The following NFIA variants were observed in gnomAD, a reference collection of about 807,000 sequenced individuals.
NFIA encodes nuclear factor 1 A-type.
NFIA carries 8 observed loss-of-function variants against 62.8 expected under a neutral mutation model. The ratio of observed to expected loss-of-function variants is 0.13; its 90% CI spans 0.07 to 0.23. The LOEUF (loss-of-function observed/expected upper bound fraction) is 0.23. NFIA is among the 10% of genes least tolerant of loss of function. The probability of loss-of-function intolerance (pLI) is 1.00; values close to 1 mark genes in which losing one functional copy is unlikely to be tolerated. For synonymous variants in NFIA, 235 were observed against 238.1 expected (o/e 0.99, Z 0.12); for missense variants, 410 against 642.1 (o/e 0.64, Z 3.91).
Position 61,259,878 on chromosome 1 carries a change from G to A in NFIA, c.560-17642G>A, listed in dbSNP as rs551438891. On this transcript the variant is annotated intron_variant, in intron 2 of 10. Coordinates refer to ENST00000403491, the MANE Select transcript of NFIA (RefSeq NM_001134673.4). Reference sequence around the variant, plus strand: ...GAGGGTTAATAAAGCCATTGTTGCCGTGCAGTTGAGAAGAGTAGAATGGGT... The same window carrying A: ...GAGGGTTAATAAAGCCATTGTTGCCATGCAGTTGAGAAGAGTAGAATGGGT... Among the ~76,000 whole-genome samples, 19 of 152,310 alleles carry A rather than the reference G, an allele frequency of 1.2e-4. No homozygotes were observed. The South Asian group carries it at 3.1e-3, about 25-fold the overall frequency.
At chr1:61,445,596 G>A (rs950636937) in intron 10 of NFIA, among the ~76,000 whole-genome samples, 1 of 152,208 alleles carries the variant, frequency 6.6e-6, no homozygotes, top group African/African-American at 2.4e-5. Context: ...ATCCTCAGAA[G>A]GAGGAGAAAA....
chr1:61,271,050 A>G (rs894389255), intron 2 of NFIA, among the ~76,000 whole-genome samples: 1 of 152,222 alleles, frequency 6.6e-6, no homozygotes, highest in African/African-American at 2.4e-5. Flanking sequence ...GAAAAAGCTG[A>G]TCATTACTTG....
chr1:61,283,416 C>CA (rs1175163320), intron 3 of NFIA, among the ~76,000 whole-genome samples: 1 of 146,282 alleles, frequency 6.8e-6, no homozygotes, highest in African/African-American at 2.5e-5. Flanking sequence ...ACTAAAAATA[C>CA]CAAAAAAAAA....
chr1:61,265,016 GT>G (rs1488637146), intron 2 of NFIA, among the ~76,000 whole-genome samples: 1 of 152,158 alleles, frequency 6.6e-6, no homozygotes, highest in Admixed American at 6.5e-5. Flanking sequence ...GCGAATTCAC[GT>G]GTTTTAGTTA....
chr1:61,269,204 T>G (rs1203705051), intron 2 of NFIA, among the ~76,000 whole-genome samples: 1 of 151,362 alleles, frequency 6.6e-6, no homozygotes, highest in African/African-American at 2.4e-5. Flanking sequence ...GTTCAACTCT[T>G]CACGTATAGA....
At chr1:61,454,853 C>T (rs2100594004) in intron 10 of NFIA, among the ~76,000 whole-genome samples, 1 of 152,250 alleles carries the variant, frequency 6.6e-6, no homozygotes, top group Non-Finnish European at 1.5e-5. Flanking sequence ...ATCAGAGTAG[C>T]CATTCATTGC....
At chr1:61,347,856 T>C (rs1434868812) in intron 4 of NFIA, among the ~76,000 whole-genome samples, 1 of 152,194 alleles carries the variant, frequency 6.6e-6, no homozygotes, top group African/African-American at 2.4e-5. Flanking sequence ...AAAGCCCAGG[T>C]TTTGAGGTCA....
chr1:61,366,491 T>G (rs1032701934), intron 6 of NFIA, among the ~76,000 whole-genome samples: 2 of 152,212 alleles, frequency 1.3e-5, no homozygotes, highest in Non-Finnish European at 2.9e-5. Flanking sequence ...ACCAACATGT[T>G]GAAAGTTTCA....
At chr1:61,194,516 C>T in intron 2 of NFIA, among the ~76,000 whole-genome samples, 1 of 152,034 alleles carries the variant, frequency 6.6e-6, no homozygotes, top group Non-Finnish European at 1.5e-5. Flanking sequence ...GTTAACTGTC[C>T]CTATATTTTA....
At chr1:61,106,262 A>G (rs964492168) in intron 2 of NFIA, among the ~76,000 whole-genome samples, 1 of 151,840 alleles carries the variant, frequency 6.6e-6, no homozygotes, top group African/African-American at 2.4e-5. Context: ...GCCCCTTCTC[A>G]AGAATGGAAG....
chr1:61,332,570 A>G lies in NFIA; in HGVS notation c.684A>G (p.Leu228=). 6.2e-7 allele frequency: 1 copy of G among 1,613,934 alleles called. No homozygotes were observed. Among genetic ancestry groups the G allele is most frequent in the Non-Finnish European group, 8.5e-7 (1 of 1,179,872 alleles). ...CAGGTGTTTTTAGTGTCACTGAGCT[A>G]GTAAGAGTGTCACAGAGTAAGTATA... is the stretch of plus-strand genomic sequence containing the variant. ...VTSGVFSVTE[L]VRVSQTPIAA... The change falls in exon 4 of 11, where the codon CTA becomes CTG. Residue 228 remains leucine, a synonymous_variant. Coordinates refer to ENST00000403491, the MANE Select transcript of NFIA (RefSeq NM_001134673.4).
intron 10 of NFIA, among the ~76,000 whole-genome samples, chr1:61,427,929 T>G (rs1666940370): frequency 6.6e-6 from 1 of 152,216 alleles, no homozygotes; most frequent in African/African-American, 2.4e-5. Context: ...AATTTGAAGT[T>G]GCATAATTAC....
rs186669667 is a variant in NFIA at position 61,428,614 on chromosome 1, T to C, written c.1512+2058T>C. ...AATTTTAAGGTATATATATTAACTC[T>C]TCCCTTAAATGAGGAACTATTTTCT... On this transcript the variant is annotated intron_variant, in intron 10 of 10. Transcript: ENST00000403491. Among the ~76,000 whole-genome samples, 678 of 152,174 alleles carry C rather than the reference T, an allele frequency of 4.5e-3. 7 individuals are homozygous for C. The highest frequency in any genetic ancestry group is 0.015 in the African/African-American group (641 of 41,538).
chr1:61,275,257 C>CT (rs1353146690), intron 2 of NFIA, among the ~76,000 whole-genome samples: 38 of 152,062 alleles, frequency 2.5e-4, no homozygotes, highest in Non-Finnish European at 4.7e-4. Flanking sequence ...GAATTTTAAA[C>CT]TTTCTTTGGA....
intron 2 of NFIA, among the ~76,000 whole-genome samples, chr1:61,090,290 A>T (rs1646297973): frequency 6.6e-6 from 1 of 152,226 alleles, no homozygotes; most frequent in Non-Finnish European, 1.5e-5. Flanking sequence ...TACCTTTTAG[A>T]TATTTAGAAA....
intron 2 of NFIA, among the ~76,000 whole-genome samples, chr1:61,182,961 G>A (rs1183131489): frequency 6.6e-6 from 1 of 152,150 alleles, no homozygotes; most frequent in East Asian, 1.9e-4. Flanking sequence ...AACTATACTT[G>A]CAAGTTTTCC....
At chr1:61,367,015 C>T (rs1663626016) in intron 6 of NFIA, among the ~76,000 whole-genome samples, 1 of 152,200 alleles carries the variant, frequency 6.6e-6, no homozygotes, top group Non-Finnish European at 1.5e-5. Context: ...TTAAAGGCAT[C>T]TGTCAAAGAA....
chr1:61,197,234 CTT>C (rs1002158986), intron 2 of NFIA, among the ~76,000 whole-genome samples: 14 of 93,368 alleles, frequency 1.5e-4, no homozygotes, highest in African/African-American at 5.7e-4. Flanking sequence ...TACTCTGGTT[CTT>C]TTTTTTTTTT....
chr1:61,306,294 T>A (rs112158886), intron 3 of NFIA, among the ~76,000 whole-genome samples: 8,664 of 109,838 alleles, frequency 0.079, 1,059 homozygotes, highest in African/African-American at 0.28. Context: ...TTTTTTTTTT[T>A]AAGACAGAGT....
Sources: allele counts gnomAD v4.1 joint callset (sites outside exome capture counted in the v4.1 genomes callset), GRCh38; gene constraint gnomAD v4.1.1; transcripts MANE v1.5; gene names NCBI Gene and HGNC (gene_info 2026-07-23, HGNC 2026-07-21).